Variants in RBM19 observed in about 807,000 individuals in gnomAD.
The protein encoded by RBM19 is RNA binding motif protein 19.
In RBM19, 94 loss-of-function variants were observed where a neutral mutation model predicts 116.8. The ratio of observed to expected loss-of-function variants is 0.80; its 90% confidence interval spans 0.68 to 0.95. The LOEUF (loss-of-function observed/expected upper bound fraction) is 0.95. Ranked by LOEUF, RBM19 falls within the 40% of genes least tolerant of loss-of-function variation. RBM19 has a pLI of 0.00. For synonymous variants in RBM19, 475 were observed against 494.1 expected (o/e 0.96, Z 0.51); for missense variants, 1,161 against 1,220.7 (o/e 0.95, Z 0.73).
At chr12:113,850,650 GC>G (rs1449301659) in intron 22 of RBM19, among the ~76,000 whole-genome samples, 1 of 152,230 alleles carries the variant, frequency 6.6e-6, no homozygotes, top group Non-Finnish European at 1.5e-5. Flanking sequence ...GGCATTGCAT[GC>G]CCTTGGCAGG....
chr12:113,832,216 G>C (rs1413896148), intron 23 of RBM19, among the ~76,000 whole-genome samples: 1 of 148,306 alleles, frequency 6.7e-6, no homozygotes, highest in Non-Finnish European at 1.5e-5. Context: ...TTTAGACTAA[G>C]TCTCACTCTG....
intron 6 of RBM19, 22 bp downstream of exon 6, chr12:113,957,760 C>T: frequency 1.9e-6 from 3 of 1,546,914 alleles, no homozygotes; most frequent in Non-Finnish European, 2.6e-6. Context: ...CCTCCCTCAT[C>T]ACCTGCGGGA....
rs761939163 is a variant in RBM19, at chr12:113,949,047, G to C, written c.1073-11C>G. The C allele has an allele frequency of 6.2e-7, 1 of 1,608,380 alleles. No individual in the cohort carries two copies. The highest frequency in any genetic ancestry group is 1.3e-5 in the African/African-American group (1 of 74,904). ...CGATGTAGCGCCCACCTGCAATGAA[G>C]AGGAGTCAGGGCTCCAGGGGGAGGC... On this transcript the variant is annotated splice_polypyrimidine_tract_variant and intron_variant, in intron 9 of 23. Transcript: ENST00000261741.
chr12:113,886,272 A>G (rs928323075), intron 21 of RBM19, among the ~76,000 whole-genome samples: 1 of 152,110 alleles, frequency 6.6e-6, no homozygotes, highest in South Asian at 2.1e-4. Flanking sequence ...AGTTGGGACT[A>G]CAGGCATGCA....
At chr12:113,871,046 C>T (rs761369006) in intron 21 of RBM19, among the ~76,000 whole-genome samples, 35 of 152,086 alleles carry the variant, frequency 2.3e-4, no homozygotes, top group South Asian at 6.2e-4. Flanking sequence ...GCAATGCCAC[C>T]ATTTAGGGGC....
At position 113,920,864 on chromosome 12, in the gene RBM19, C is replaced by A. The variant is rs562945159; in HGVS notation, c.2306-174G>T. Among the ~76,000 whole-genome samples, 7 of 152,232 alleles carry A rather than the reference C, an allele frequency of 4.6e-5. No homozygotes were observed. The South Asian group carries it at 1.5e-3, about 32-fold the overall frequency. On this transcript the variant is annotated intron_variant, in intron 18 of 23. Coordinates refer to ENST00000261741, the MANE Select transcript of RBM19 (RefSeq NM_016196.4). ...TGCTGTTTATCATTAGTCATCTTGA[C>A]GAATCAGCCAACGCAGTTAACATGG...
chr12:113,877,393 G>C (rs1879747653), intron 21 of RBM19, among the ~76,000 whole-genome samples: 1 of 152,202 alleles, frequency 6.6e-6, no homozygotes, highest in Admixed American at 6.5e-5. Context: ...GGTGGAGTTA[G>C]GGGGAGCCCT....
In RBM19 at chr12:113,939,943, G is replaced by A; in HGVS notation, c.1938+17C>T. On this transcript the variant is annotated intron_variant, in intron 15 of 23. Transcript: ENST00000261741. Reference sequence around the variant, plus strand: ...TGGTCCTTCTCCAGATCAATTCTGGGTCTCCAGCAGCCCTACCTTGGAATA... The same window carrying A: ...TGGTCCTTCTCCAGATCAATTCTGGATCTCCAGCAGCCCTACCTTGGAATA... 6.2e-7 allele frequency: 1 copy of A among 1,612,444 alleles called. No homozygotes were observed. The highest frequency in any genetic ancestry group is 8.5e-7 in the Non-Finnish European group (1 of 1,179,200).
At chr12:113,883,621 G>A (rs1397615296) in intron 21 of RBM19, among the ~76,000 whole-genome samples, 1 of 152,264 alleles carries the variant, frequency 6.6e-6, no homozygotes, top group African/African-American at 2.4e-5. Flanking sequence ...CCATTTTACA[G>A]ATGAGGAAAT....
In RBM19 at chr12:113,940,058, C is replaced by T; in HGVS notation, c.1840G>A (p.Gly614Ser). 7 of 1,614,072 alleles carry T rather than the reference C, an allele frequency of 4.3e-6. No homozygotes were observed. The highest frequency in any genetic ancestry group is 5.9e-6 in the Non-Finnish European group (7 of 1,179,982). Reference sequence around the variant, plus strand: ...CCGCCCTCTGGCAGCAGCACGCGGCCCAGGCTGCCAAAATGGCCGAAGGTC... The same window carrying T: ...CCGCCCTCTGGCAGCAGCACGCGGCTCAGGCTGCCAAAATGGCCGAAGGTC... ...QETFGHFGSLGRVLLPEGGIT... is the reference protein window; with the variant it reads ...QETFGHFGSLSRVLLPEGGIT... Residue 614 changes from glycine (G) to serine (S), a missense_variant, in exon 15 of 24, where the codon GGC becomes AGC. Physicochemically the swap from Gly to Ser is moderately conservative, Grantham distance 56. Coordinates refer to ENST00000261741, the MANE Select transcript of RBM19 (RefSeq NM_016196.4).
intron 16 of RBM19, among the ~76,000 whole-genome samples, chr12:113,935,696 A>G (rs989880699): frequency 1.3e-5 from 2 of 152,204 alleles, no homozygotes; most frequent in Non-Finnish European, 2.9e-5. Context: ...GAAATGAGAA[A>G]TGTGGACAAG....
At chr12:113,964,767 TAC>T (rs145111565) in intron 1 of RBM19, among the ~76,000 whole-genome samples, 6,349 of 152,122 alleles carry the variant, frequency 0.042, 332 homozygotes, top group Admixed American at 0.15. Context: ...TCCTCAAATA[TAC>T]AGAGATACAT....
At chr12:113,836,813 TTA>T (rs1875937559) in intron 23 of RBM19, among the ~76,000 whole-genome samples, 2 of 144,798 alleles carry the variant, frequency 1.4e-5, no homozygotes, top group African/African-American at 5.2e-5. Flanking sequence ...GTCCTCCTAC[TTA>T]CTACATACAT....
At chr12:113,880,440 C>T (rs1318839339) in intron 21 of RBM19, among the ~76,000 whole-genome samples, 1 of 152,146 alleles carries the variant, frequency 6.6e-6, no homozygotes, top group Non-Finnish European at 1.5e-5. Flanking sequence ...CTGTTTCTAG[C>T]TGAGATCCTG....
intron 23 of RBM19, among the ~76,000 whole-genome samples, chr12:113,831,868 C>T (rs1565961374): frequency 1.3e-5 from 2 of 152,180 alleles, no homozygotes; most frequent in Admixed American, 1.3e-4. Flanking sequence ...TGGGCGATAC[C>T]TGCTCCAGCT....
At chr12:113,884,914 C>T (rs1032740319) in intron 21 of RBM19, among the ~76,000 whole-genome samples, 2 of 17,482 alleles carry the variant, frequency 1.1e-4, no homozygotes, top group African/African-American at 2.3e-4. Context: ...TGACCCCACA[C>T]TGATAAAAAA....
intron 23 of RBM19, among the ~76,000 whole-genome samples, chr12:113,826,080 C>A (rs1043714387): frequency 2.0e-5 from 3 of 152,224 alleles, no homozygotes; most frequent in Non-Finnish European, 4.4e-5. Flanking sequence ...GGCCTTGCAC[C>A]TGCTGTTCCT....
chr12:113,945,705 G>A, intron 13 of RBM19, 123 bp downstream of exon 13: 1 of 748,106 alleles, frequency 1.3e-6, no homozygotes, highest in South Asian at 1.8e-5. Context: ...CCTCTGGGAA[G>A]GCCCAAGAGG....
intron 23 of RBM19, among the ~76,000 whole-genome samples, chr12:113,824,486 T>A (rs1874689171): frequency 6.6e-6 from 1 of 152,132 alleles, no homozygotes; most frequent in Non-Finnish European, 1.5e-5. Flanking sequence ...TGCTCACAGA[T>A]AAGGCTTGAT....
Sources: allele counts gnomAD v4.1 joint callset (sites outside exome capture counted in the v4.1 genomes callset), GRCh38; gene constraint gnomAD v4.1.1; transcripts MANE v1.5; gene names NCBI Gene and HGNC (gene_info 2026-07-23, HGNC 2026-07-21).